Variants in KIAA1328 observed in about 807,000 individuals in gnomAD.
KIAA1328 encodes KIAA1328, also known as protein hinderin.
KIAA1328 carries 52 observed loss-of-function variants against 68.1 expected under a neutral mutation model. That is an observed-to-expected ratio of 0.76 (90% CI 0.61 to 0.96). The LOEUF is 0.96. Ranked by LOEUF, KIAA1328 falls within the 40% of genes least tolerant of loss-of-function variation. The pLI, the probability that KIAA1328 is intolerant of heterozygous loss-of-function variation, is 0.00. For missense variants in KIAA1328, 641 were observed against 677.6 expected (o/e 0.95, Z 0.60); for synonymous variants, 232 against 239.4 (o/e 0.97, Z 0.28).
At chr18:36,882,461 T>G (rs2048355614) in intron 4 of KIAA1328, among the ~76,000 whole-genome samples, 1 of 152,182 alleles carries the variant, frequency 6.6e-6, no homozygotes, top group Non-Finnish European at 1.5e-5. Context: ...AAATCTATAT[T>G]AATATACTTG....
At chr18:37,173,170 A>G (rs1388733296) in intron 9 of KIAA1328, 89 bp downstream of exon 9, 2 of 957,562 alleles carry the variant, frequency 2.1e-6, no homozygotes, top group East Asian at 2.5e-5. Context: ...AAAAATCTTG[A>G]CAACTCTTAG....
At chr18:37,029,139 A>G (rs771786264) in intron 6 of KIAA1328, among the ~76,000 whole-genome samples, 5 of 152,054 alleles carry the variant, frequency 3.3e-5, no homozygotes, top group Admixed American at 1.3e-4. Flanking sequence ...CTGTGGATCC[A>G]TCTTCCCCAG....
chr18:37,072,089 A>T (rs1260859042), intron 7 of KIAA1328, among the ~76,000 whole-genome samples: 2 of 152,274 alleles, frequency 1.3e-5, no homozygotes, highest in East Asian at 3.9e-4. Flanking sequence ...TATTATATTT[A>T]TCTGTGTTTC....
chr18:36,838,658 G>A (rs764084080), intron 3 of KIAA1328, among the ~76,000 whole-genome samples: 1 of 152,028 alleles, frequency 6.6e-6, no homozygotes, highest in South Asian at 2.1e-4. Flanking sequence ...TTTTCTGTGT[G>A]TATGTGTTTA....
At chr18:37,150,086 T>A (rs1290537907) in intron 7 of KIAA1328, among the ~76,000 whole-genome samples, 1 of 152,154 alleles carries the variant, frequency 6.6e-6, no homozygotes. Context: ...TAACCCTATA[T>A]CTGTTAAAGA....
At chr18:36,928,365 C>T (rs1016626718) in intron 5 of KIAA1328, among the ~76,000 whole-genome samples, 14 of 152,284 alleles carry the variant, frequency 9.2e-5, no homozygotes, top group African/African-American at 3.4e-4. Flanking sequence ...TGGCTTCTAA[C>T]TCTGTGATCC....
At chr18:37,086,362 A>G (rs1200932719) in intron 7 of KIAA1328, among the ~76,000 whole-genome samples, 1 of 152,220 alleles carries the variant, frequency 6.6e-6, no homozygotes, top group East Asian at 1.9e-4. Context: ...TACAGTGTTT[A>G]CCAATTACAA....
At chr18:36,927,352 A>G (rs1213265489) in intron 5 of KIAA1328, among the ~76,000 whole-genome samples, 3 of 152,222 alleles carry the variant, frequency 2.0e-5, no homozygotes, top group African/African-American at 7.2e-5. Flanking sequence ...TATTAAAATA[A>G]TCATAGCACT....
intron 5 of KIAA1328, among the ~76,000 whole-genome samples, chr18:36,896,400 C>T (rs998817733): frequency 2.0e-5 from 3 of 151,968 alleles, no homozygotes; most frequent in East Asian, 3.9e-4. Context: ...TTGATGTCTT[C>T]GATTTACTGA....
At chr18:37,036,740 T>C (rs1568321724) in intron 6 of KIAA1328, among the ~76,000 whole-genome samples, 1 of 152,210 alleles carries the variant, frequency 6.6e-6, no homozygotes, top group African/African-American at 2.4e-5. Context: ...TTGTGTTGTT[T>C]ACATGCACAC....
chr18:37,008,799 CAA>C (rs1255807044), intron 6 of KIAA1328, among the ~76,000 whole-genome samples: 1 of 151,590 alleles, frequency 6.6e-6, no homozygotes, highest in African/African-American at 2.4e-5. Context: ...AATGGAGTAA[CAA>C]AGGAAAGAGT....
At chr18:36,833,388 G>C (rs1480040659) in intron 1 of KIAA1328, 1 of 152,154 alleles carries the variant, frequency 6.6e-6, no homozygotes, top group Non-Finnish European at 1.5e-5. Context: ...GAAGCTATAA[G>C]GTAGGAGCTT....
intron 6 of KIAA1328, among the ~76,000 whole-genome samples, chr18:36,985,130 T>C (rs1428987578): frequency 1.3e-5 from 2 of 151,786 alleles, no homozygotes; most frequent in East Asian, 1.9e-4. Context: ...AGCCAGACCC[T>C]TTCTCTCCAA....
chr18:36,945,887 G>A (rs1455912660), intron 5 of KIAA1328, among the ~76,000 whole-genome samples: 1 of 152,110 alleles, frequency 6.6e-6, no homozygotes, highest in Admixed American at 6.6e-5. Context: ...GTTATTACAT[G>A]TTGAATATCC....
intron 9 of KIAA1328, among the ~76,000 whole-genome samples, chr18:37,211,150 T>C (rs2060308093): frequency 6.6e-6 from 1 of 152,226 alleles, no homozygotes. Flanking sequence ...TTGGTAACAG[T>C]AACCTTCTTT....
intron 5 of KIAA1328, among the ~76,000 whole-genome samples, chr18:36,905,719 A>G (rs1294590944): frequency 6.6e-6 from 1 of 152,134 alleles, no homozygotes; most frequent in Non-Finnish European, 1.5e-5. Context: ...ACTGTCTTCC[A>G]TATCTGGAAA....
At chr18:37,077,053 A>C (rs991720291) in intron 7 of KIAA1328, among the ~76,000 whole-genome samples, 1 of 152,012 alleles carries the variant, frequency 6.6e-6, no homozygotes, top group African/African-American at 2.4e-5. Flanking sequence ...TTAGACCAAT[A>C]TCCTTGATGA....
intron 6 of KIAA1328, among the ~76,000 whole-genome samples, chr18:36,979,881 G>A (rs1379648203): frequency 6.6e-6 from 1 of 152,210 alleles, no homozygotes; most frequent in Admixed American, 6.5e-5. Flanking sequence ...ACATTCATGT[G>A]TTGGAAACTT....
intron 9 of KIAA1328, among the ~76,000 whole-genome samples, chr18:37,220,385 CATT>C (rs2060534857): frequency 1.3e-5 from 2 of 152,222 alleles, no homozygotes; most frequent in African/African-American, 2.4e-5. Context: ...TTGTATTCCT[CATT>C]AATAATTGGT....
Sources: gnomAD v4.1 joint callset for allele counts (sites outside exome capture counted in the v4.1 genomes callset) on GRCh38, gnomAD v4.1.1 for gene constraint, MANE v1.5 for transcripts, NCBI Gene and HGNC (gene_info 2026-07-23, HGNC 2026-07-21) for gene names.